The following MVB12B variants were observed in gnomAD, a reference collection of about 807,000 sequenced individuals.
The protein encoded by MVB12B is multivesicular body subunit 12B.
MVB12B carries 16 observed loss-of-function variants against 41.6 expected under a neutral mutation model. The ratio of observed to expected loss-of-function variants is 0.38; its 90% CI spans 0.26 to 0.58. The LOEUF is 0.58. MVB12B is among the 20% of genes least tolerant of loss of function. The pLI is 0.62. For missense variants in MVB12B, 274 were observed against 380.2 expected (o/e 0.72, Z 2.32); for synonymous variants, 133 against 139.7 (o/e 0.95, Z 0.34).
Position 126,468,301 on chromosome 9 carries a change from C to T in MVB12B, c.758-13068C>T, listed in dbSNP as rs1471019940. On this transcript the variant is annotated intron_variant, in intron 7 of 9. Coordinates refer to ENST00000361171, the MANE Select transcript of MVB12B (RefSeq NM_033446.3). This position sits in a 1 kb window ranked among gnomAD's most constrained non-coding sequence, Gnocchi z 4.3. ...CATTTCTGGATCTCCACCCGGCAGC[C>T]CTCACACACCCATCTCACATTCTCG... is the stretch of plus-strand genomic sequence containing the variant. 6.6e-6 allele frequency among the ~76,000 whole-genome samples: 1 copy of T among 152,186 alleles called. No homozygotes were observed. The highest frequency in any genetic ancestry group is 2.4e-5 in the African/African-American group (1 of 41,442).
At chr9:126,456,427 G>A (rs577388870) in intron 7 of MVB12B, among the ~76,000 whole-genome samples, 2 of 152,262 alleles carry the variant, frequency 1.3e-5, no homozygotes, top group African/African-American at 4.8e-5. Flanking sequence ...AATAAATTTT[G>A]TCACTAAAAT....
rs1322117893 is a variant in MVB12B, at chr9:126,505,003, G to C, written c.*1740G>C. The C allele has an allele frequency of 4.6e-5, 7 of 152,298 alleles. No individual in the cohort carries two copies. The highest frequency in any genetic ancestry group is 1.0e-4 in the Non-Finnish European group (7 of 68,120). The allele number at this position is 152,298 out of a possible 1,614,324, so 9.4% of individuals were successfully genotyped here. A position where few individuals can be genotyped will look rare whatever the true frequency, so the allele number is the denominator to read the frequency against. On this transcript the variant is annotated 3_prime_UTR_variant, in exon 10 of 10. Transcript: ENST00000361171. Reference sequence around the variant, plus strand: ...CACCTATGTCTGCCGTGGCTCCTCGGGTGGTGCCCTGTGTGACAAAGCCCA... The same window carrying C: ...CACCTATGTCTGCCGTGGCTCCTCGCGTGGTGCCCTGTGTGACAAAGCCCA...
chr9:126,373,567 C>CT (rs1384519031), intron 2 of MVB12B, among the ~76,000 whole-genome samples: 2 of 152,204 alleles, frequency 1.3e-5, no homozygotes, highest in African/African-American at 4.8e-5. Context: ...TGGGTGGGCT[C>CT]TCTTGAAACA....
Position 126,376,673 on chromosome 9 carries a change from T to G in MVB12B, c.205-4391T>G, listed in dbSNP as rs1318764642. 7.8e-7 allele frequency: 1 copy of G among 1,286,042 alleles called. No homozygotes were observed. The highest frequency in any genetic ancestry group is 1.0e-6 in the Non-Finnish European group (1 of 986,250). 79.7% of individuals were successfully genotyped at this position (1,286,042 alleles called of 1,614,324 possible). ...AGGGGCCTGCCATTGCCATTCAGTG[T>G]GTACGCTTGGTTACTCAATTACCCT... On this transcript the variant is annotated intron_variant, in intron 2 of 9. Transcript: ENST00000361171. This position sits in a 1 kb window ranked among gnomAD's most constrained non-coding sequence, Gnocchi z 4.1.
chr9:126,451,474 C>T (rs1170910885), intron 7 of MVB12B, among the ~76,000 whole-genome samples: 1 of 152,086 alleles, frequency 6.6e-6, no homozygotes, highest in Non-Finnish European at 1.5e-5. Flanking sequence ...AGCTGCAGCC[C>T]ATCCAGGCTC....
chr9:126,396,009 T>TG, intron 6 of MVB12B: 24 of 1,127,186 alleles, frequency 2.1e-5, no homozygotes, highest in Non-Finnish European at 2.6e-5. Flanking sequence ...TGTATAGCCA[T>TG]GGGGTTGGGA....
chr9:126,334,983 C>G (rs1429220873), intron 1 of MVB12B, among the ~76,000 whole-genome samples: 1 of 152,154 alleles, frequency 6.6e-6, no homozygotes, highest in Non-Finnish European at 1.5e-5. Flanking sequence ...GTTTGGTAAT[C>G]AAATGGTTAA....
In MVB12B at chr9:126,389,291, C is replaced by T. The variant is rs1474540326; in HGVS notation, c.409+2633C>T. Among the ~76,000 whole-genome samples, 1 of 152,120 alleles carries T rather than the reference C, an allele frequency of 6.6e-6. No individual in the cohort carries two copies. Among genetic ancestry groups the T allele is most frequent in the African/African-American group, 2.4e-5 (1 of 41,410 alleles). ...GAGGAGCCCAAGCTGGCCACATAAG[C>T]CTTATGATCAGCTCTGTATCATCTG... is the stretch of plus-strand genomic sequence containing the variant. On this transcript the variant is annotated intron_variant, in intron 4 of 9. Transcript: ENST00000361171. This position sits in a 1 kb window ranked among gnomAD's most constrained non-coding sequence, Gnocchi z 4.4.
At chr9:126,420,929 A>G (rs1348068329) in intron 6 of MVB12B, among the ~76,000 whole-genome samples, 1 of 152,078 alleles carries the variant, frequency 6.6e-6, no homozygotes, top group Non-Finnish European at 1.5e-5. Context: ...CACTTACTTT[A>G]TGTGATAAGT....
rs1832920430 is a variant in MVB12B at position 126,453,512 on chromosome 9, A to G, written c.758-27857A>G. Among the ~76,000 whole-genome samples the G allele has an allele frequency of 2.0e-5, 3 of 152,186 alleles. No individual in the cohort carries two copies. The South Asian group carries it at 6.2e-4, about 32-fold the overall frequency. On this transcript the variant is annotated intron_variant, in intron 7 of 9. Transcript: ENST00000361171. ...TTCTTTCTGCCTGTGTGGGCTGTAG[A>G]GGAATCCGTTGCCAACAGCAGTGGC...
At chr9:126,414,747 G>C (rs893503389) in intron 6 of MVB12B, among the ~76,000 whole-genome samples, 1 of 151,860 alleles carries the variant, frequency 6.6e-6, no homozygotes, top group Non-Finnish European at 1.5e-5. Flanking sequence ...TCAACTTCGG[G>C]CCCACTAAAA....
At chr9:126,334,117 G>C (rs1023689753) in intron 1 of MVB12B, among the ~76,000 whole-genome samples, 3 of 152,190 alleles carry the variant, frequency 2.0e-5, no homozygotes, top group Admixed American at 2.0e-4. Context: ...TCCAGAATGT[G>C]GACTTTCCGT....
intron 7 of MVB12B, among the ~76,000 whole-genome samples, chr9:126,453,166 TC>T (rs1233959280): frequency 1.3e-5 from 2 of 152,248 alleles, no homozygotes; most frequent in Admixed American, 6.5e-5. Flanking sequence ...AAAGATAAAA[TC>T]CCTATTTCTT....
intron 9 of MVB12B, among the ~76,000 whole-genome samples, chr9:126,496,211 G>T (rs28733169): frequency 7.8e-5 from 1 of 12,860 alleles, no homozygotes; most frequent in Non-Finnish European, 1.8e-4. Context: ...CTACCCACCC[G>T]TCCATCCACC....
chr9:126,446,938 C>CTTTTTTTTTTTTTTTTTTTTTTTTTTTT lies in MVB12B; in HGVS notation c.757+25009_757+25010insTTTTTTTTTTTTTTTTTTTTTTTTTTTT, dbSNP rs33991689. Among the ~76,000 whole-genome samples the CTTTTTTTTTTTTTTTTTTTTTTTTTTTT allele has an allele frequency of 2.9e-5, 3 of 104,324 alleles. 1 individual carries two copies. Among genetic ancestry groups the CTTTTTTTTTTTTTTTTTTTTTTTTTTTT allele is most frequent in the African/African-American group, 7.7e-5 (2 of 25,942 alleles). 68.4% of individuals were successfully genotyped at this position (104,324 alleles called of 152,430 possible). On this transcript the variant is annotated intron_variant, in intron 7 of 9. Transcript: ENST00000361171. Reference sequence around the variant, plus strand: ...TGTATTAGTTCTTTTTTTTAACTTTCTTTTTTTTTTTTTTTTTTTCCTTTG... The same window carrying CTTTTTTTTTTTTTTTTTTTTTTTTTTTT: ...TGTATTAGTTCTTTTTTTTAACTTTCTTTTTTTTTTTTTTTTTTTTTTTTTTTTTTTTTTTTTTTTTTTTTTTCCTTTG...
At chr9:126,405,587 C>T (rs989105642) in intron 6 of MVB12B, among the ~76,000 whole-genome samples, 1 of 152,028 alleles carries the variant, frequency 6.6e-6, no homozygotes, top group African/African-American at 2.4e-5. Context: ...GGGCGTTAAA[C>T]CAGCGATATT....
chr9:126,365,858 G>C (rs1830166263), intron 2 of MVB12B, among the ~76,000 whole-genome samples: 2 of 152,176 alleles, frequency 1.3e-5, no homozygotes, highest in Non-Finnish European at 2.9e-5. Flanking sequence ...TGCAAACTGA[G>C]TGGTGAATGG....
chr9:126,418,496 G>T (rs974272935), intron 6 of MVB12B, among the ~76,000 whole-genome samples: 2 of 152,194 alleles, frequency 1.3e-5, no homozygotes, highest in Non-Finnish European at 2.9e-5. Context: ...GTAGGCTCAT[G>T]ATCATTTCCT....
Position 126,473,282 on chromosome 9 carries a change from C to G in MVB12B, c.758-8087C>G, listed in dbSNP as rs1278396958. 6.6e-6 allele frequency among the ~76,000 whole-genome samples: 1 copy of G among 152,178 alleles called. No homozygotes were observed. The highest frequency in any genetic ancestry group is 1.5e-5 in the Non-Finnish European group (1 of 68,032). On this transcript the variant is annotated intron_variant, in intron 7 of 9. Transcript: ENST00000361171. This position sits in a 1 kb window ranked among gnomAD's most constrained non-coding sequence, Gnocchi z 4.0. Reference sequence around the variant, plus strand: ...AACTCAGGTCTGCCAAGCTCCCAGCCCCTCCTTCCCTGCCATAGCCCCCCA... The same window carrying G: ...AACTCAGGTCTGCCAAGCTCCCAGCGCCTCCTTCCCTGCCATAGCCCCCCA...
Sources: allele counts gnomAD v4.1 joint callset (sites outside exome capture counted in the v4.1 genomes callset), GRCh38; gene constraint gnomAD v4.1.1; non-coding constraint Gnocchi (gnomAD v3.1); transcripts MANE v1.5; gene names NCBI Gene and HGNC (gene_info 2026-07-23, HGNC 2026-07-21).